Variants in DCDC1 observed in about 807,000 individuals in gnomAD.
The protein encoded by DCDC1 is doublecortin domain-containing protein 1.
A neutral mutation model predicts 178.3 loss-of-function variants in DCDC1; 200 were observed. The observed-to-expected ratio is 1.12, with a 90% CI of 1.00 to 1.26. The LOEUF (loss-of-function observed/expected upper bound fraction) is 1.26. Among genes scored for constraint, DCDC1 ranks in the 50% most tolerant of loss-of-function variants. DCDC1 has a pLI of 0.00. For synonymous variants in DCDC1, 690 were observed against 604.8 expected, an observed-to-expected ratio of 1.14 and a Z score of -2.07; for missense variants, 1,983 against 1,749.2, an observed-to-expected ratio of 1.13 and a Z score of -2.38.
chr11:31,082,580 A>G lies in DCDC1; in HGVS notation c.2238-4655T>C, dbSNP rs994279744. Among the ~76,000 whole-genome samples the G allele has an allele frequency of 1.8e-4, 22 of 123,046 alleles. 1 individual carries two copies. Among genetic ancestry groups the G allele is most frequent in the African/African-American group, 5.5e-4 (17 of 30,634 alleles). 80.7% of individuals were successfully genotyped at this position (123,046 alleles called of 152,430 possible). ...ATATCGATATGTGATATAGATACAGATATGATATAGATATAGATATCTATA... is the reference window on the plus strand; with the variant it reads ...ATATCGATATGTGATATAGATACAGGTATGATATAGATATAGATATCTATA... On this transcript the variant is annotated intron_variant, in intron 17 of 38. Coordinates refer to ENST00000684477, the MANE Select transcript of DCDC1 (RefSeq NM_001387274.1).
At position 30,934,954 on chromosome 11, in the gene DCDC1, C is replaced by T. The variant is rs185272402; in HGVS notation, c.2716-3002G>A. On this transcript the variant is annotated intron_variant, in intron 21 of 38. Transcript: ENST00000684477. ...TATTAGGGTCTGGGTTTGGAGTAGT[C>T]CCAGACAAATGGGAGGTTGAGTTCT... Among the ~76,000 whole-genome samples the T allele has an allele frequency of 1.3e-3, 194 of 152,238 alleles. 2 individuals carry two copies. The highest frequency in any genetic ancestry group is 3.9e-3 in the African/African-American group (161 of 41,538).
Position 30,902,605 on chromosome 11 carries a change from A to G in DCDC1, c.4510+877T>C, listed in dbSNP as rs372858483. On this transcript the variant is annotated intron_variant, in intron 32 of 38. Transcript: ENST00000684477. The stretch of plus-strand genomic sequence containing the variant: ...GTACATTTTATGTAAGAAATTTAAA[A>G]TAGTAAAATTAGTTAAAAATGTATC... Among the ~76,000 whole-genome samples the G allele has an allele frequency of 7.9e-5, 12 of 152,322 alleles. No homozygotes were observed. The South Asian group carries it at 2.3e-3, about 29-fold the overall frequency.
In DCDC1 at chr11:31,102,264, TC is replaced by T; in HGVS notation, c.1895del (p.Gly632AspfsTer31). The T allele has an allele frequency of 1.4e-6, 1 of 719,208 alleles. No individual in the cohort carries two copies. The highest frequency in any genetic ancestry group is 2.6e-6 in the Non-Finnish European group (1 of 389,088). The allele number at this position is 719,208 out of a possible 1,614,324, so 44.6% of individuals were successfully genotyped here. A position where few individuals can be genotyped will look rare whatever the true frequency, so the allele number is the denominator to read the frequency against. ...TGGTACAGTTGAAATTAATTGGAAA[TC>T]CCTCACAAACTTCCCAACTAAGAAA... is the stretch of plus-strand genomic sequence containing the variant. ...PGCGNWEVCE[G>X]FPINFNCTSQ... On this transcript the variant is annotated frameshift_variant, in exon 15 of 39. Coordinates refer to ENST00000684477, the MANE Select transcript of DCDC1 (RefSeq NM_001387274.1). LOFTEE classifies it high-confidence loss of function.
intron 21 of DCDC1, among the ~76,000 whole-genome samples, chr11:30,947,036 A>C (rs1279591029): frequency 6.6e-6 from 1 of 152,242 alleles, no homozygotes; most frequent in African/African-American, 2.4e-5. Flanking sequence ...AAAACAGACT[A>C]TCTCAAACAT....
intron 20 of DCDC1, chr11:30,992,418 C>A (rs958072027): frequency 2.6e-5 from 4 of 152,182 alleles, no homozygotes; most frequent in African/African-American, 9.7e-5. Flanking sequence ...TTATTTAAAC[C>A]CAGACCCAGT....
chr11:30,981,441 C>A (rs924282975), intron 20 of DCDC1, among the ~76,000 whole-genome samples: 3 of 152,176 alleles, frequency 2.0e-5, no homozygotes, highest in African/African-American at 7.2e-5. Flanking sequence ...AGTCAGCACT[C>A]TGGAAGGGCT....
At chr11:31,022,719 C>T (rs1369188633) in intron 20 of DCDC1, among the ~76,000 whole-genome samples, 1 of 141,158 alleles carries the variant, frequency 7.1e-6, no homozygotes, top group Non-Finnish European at 1.5e-5. Flanking sequence ...TGTCTATCTA[C>T]TCTTTATCAA....
chr11:31,263,012 G>A (rs767587840), intron 8 of DCDC1: 13 of 1,605,806 alleles, frequency 8.1e-6, no homozygotes, highest in South Asian at 2.2e-5. Flanking sequence ...CGTGAAGCAC[G>A]AGTCATGAAT....
At chr11:30,940,935 T>C (rs1157199648) in intron 21 of DCDC1, among the ~76,000 whole-genome samples, 2 of 152,186 alleles carry the variant, frequency 1.3e-5, no homozygotes, top group Non-Finnish European at 2.9e-5. Flanking sequence ...CCTTTTGCTT[T>C]GATTCTAAAT....
intron 9 of DCDC1, among the ~76,000 whole-genome samples, chr11:31,182,689 CAACT>C (rs1968966539): frequency 6.6e-6 from 1 of 152,152 alleles, no homozygotes; most frequent in African/African-American, 2.4e-5. Flanking sequence ...GAAACTGCAT[CAACT>C]AACGGGCAAA....
intron 9 of DCDC1, among the ~76,000 whole-genome samples, chr11:31,200,708 T>C (rs1971198082): frequency 6.6e-6 from 1 of 152,026 alleles, no homozygotes; most frequent in Non-Finnish European, 1.5e-5. Flanking sequence ...GTAATTATAT[T>C]TCATGTGCTA....
chr11:31,144,651 T>C (rs1038068973), intron 9 of DCDC1, among the ~76,000 whole-genome samples: 1 of 152,198 alleles, frequency 6.6e-6, no homozygotes, highest in Non-Finnish European at 1.5e-5. Context: ...ATTATTCTAT[T>C]AGTAGTAATA....
intron 20 of DCDC1, among the ~76,000 whole-genome samples, chr11:31,012,410 G>C (rs1444055434): frequency 1.3e-5 from 2 of 151,984 alleles, no homozygotes; most frequent in African/African-American, 4.8e-5. Context: ...AGACCAGCCT[G>C]GGTAACACAG....
chr11:31,106,238 A>G (rs935005131), intron 13 of DCDC1, among the ~76,000 whole-genome samples: 2 of 152,244 alleles, frequency 1.3e-5, no homozygotes, highest in Admixed American at 1.3e-4. Flanking sequence ...CTTTGATAGG[A>G]TAGGGCTTAC....
chr11:31,110,422 C>T (rs1959131624), intron 11 of DCDC1, 61 bp from the exon 12 acceptor site: 2 of 643,884 alleles, frequency 3.1e-6, no homozygotes, highest in Non-Finnish European at 5.6e-6. Flanking sequence ...TACATATATT[C>T]ATACATACTT....
chr11:31,047,394 T>C (rs1954915195), intron 20 of DCDC1, among the ~76,000 whole-genome samples: 1 of 152,196 alleles, frequency 6.6e-6, no homozygotes, highest in Non-Finnish European at 1.5e-5. Context: ...GCCAGATATT[T>C]ATAAAAAGGG....
chr11:31,334,138 C>T (rs58198866), intron 2 of DCDC1, among the ~76,000 whole-genome samples: 3,110 of 152,198 alleles, frequency 0.02, 96 homozygotes, highest in African/African-American at 0.07. Flanking sequence ...TGATCTTCAA[C>T]CACTGATACT....
At chr11:30,944,192 T>A (rs542248373) in intron 21 of DCDC1, 49 of 384,746 alleles carry the variant, frequency 1.3e-4, no homozygotes, top group African/African-American at 1.0e-3. Context: ...GAGTTTCTTC[T>A]CTCTCCCTTC....
In DCDC1 at chr11:31,124,594, C is replaced by A. The variant is rs1591130572; in HGVS notation, c.1485+2875G>T. On this transcript the variant is annotated intron_variant, in intron 11 of 38. Coordinates refer to ENST00000684477, the MANE Select transcript of DCDC1 (RefSeq NM_001387274.1). ...CTGGTACAAGAACAGACATGTAGACCAATGGAACAGAATACAGAACCCAGA... is the reference window on the plus strand; with the variant it reads ...CTGGTACAAGAACAGACATGTAGACAAATGGAACAGAATACAGAACCCAGA... Among the ~76,000 whole-genome samples, 4 of 152,078 alleles carry A rather than the reference C, an allele frequency of 2.6e-5. No individual in the cohort carries two copies. The South Asian group carries it at 8.3e-4, about 32-fold the overall frequency.
Sources: gnomAD v4.1 joint callset for allele counts (sites outside exome capture counted in the v4.1 genomes callset) on GRCh38, gnomAD v4.1.1 for gene constraint, MANE v1.5 for transcripts, NCBI Gene and HGNC (gene_info 2026-07-23, HGNC 2026-07-21) for gene names.